Variants in CACNA1S observed in about 807,000 individuals in gnomAD.
CACNA1S encodes voltage-dependent L-type calcium channel subunit alpha-1S.
CACNA1S carries 126 observed loss-of-function variants against 207.4 expected under a neutral mutation model. The ratio of observed to expected loss-of-function variants is 0.61; its 90% confidence interval spans 0.53 to 0.70. CACNA1S has a LOEUF of 0.70. CACNA1S is among the 30% of genes least tolerant of loss of function. The pLI, the probability that CACNA1S is intolerant of heterozygous loss-of-function variation, is 0.00. For missense variants in CACNA1S, 2,349 were observed against 2,422.8 expected (o/e 0.97, Z 0.64); for synonymous variants, 960 against 932.7 (o/e 1.03, Z -0.53).
Position 201,069,458 on chromosome 1 carries a change from G to A in CACNA1S, c.2490+14C>T, listed in dbSNP as rs913758464. 11 of 1,606,214 alleles carry A rather than the reference G, an allele frequency of 6.8e-6. No homozygotes were observed. Among genetic ancestry groups the A allele is most frequent in the East Asian group, 2.2e-5 (1 of 44,584 alleles). ...GCAGGGGTGCTGAGTGGCAGAGAGG[G>A]TGAAGCCCGTCACCTGATTTCTCAT... On this transcript the variant is annotated intron_variant, in intron 18 of 43. Transcript: ENST00000362061.
chr1:201,077,833 G>T lies in CACNA1S; in HGVS notation c.1619+46C>A, dbSNP rs201833800. 173 of 1,373,638 alleles carry T rather than the reference G, an allele frequency of 1.3e-4. 1 individual carries two copies. Among genetic ancestry groups the T allele is most frequent in the Middle Eastern group, 1.1e-3 (5 of 4,536 alleles). 85.1% of individuals were successfully genotyped at this position (1,373,638 alleles called of 1,614,324 possible). A position where few individuals can be genotyped will look rare whatever the true frequency, so the allele number is the denominator to read the frequency against. On this transcript the variant is annotated intron_variant, in intron 11 of 43. Transcript: ENST00000362061. ...ATGGGTGTAGACCAGACCAGCCCGTGGTGCCTGCCGGGGACCCGGGAGTGC... is the reference window on the plus strand; with the variant it reads ...ATGGGTGTAGACCAGACCAGCCCGTTGTGCCTGCCGGGGACCCGGGAGTGC...
At position 201,088,470 on chromosome 1, in the gene CACNA1S, G is replaced by T. The variant is rs971659918; in HGVS notation, c.901-541C>A. On this transcript the variant is annotated intron_variant, in intron 6 of 43. Transcript: ENST00000362061. ...TAATACACACTTACAATAAATATTT[G>T]TACTAATCCTTGGTATTTGCAAAGC... Among the ~76,000 whole-genome samples, 3 of 152,042 alleles carry T rather than the reference G, an allele frequency of 2.0e-5. No homozygotes were observed. In the South Asian group the frequency reaches 6.2e-4, roughly 32 times the overall value.
At chr1:201,094,748 G>A (rs1662355966) in intron 2 of CACNA1S, among the ~76,000 whole-genome samples, 1 of 152,126 alleles carries the variant, frequency 6.6e-6, no homozygotes, top group Admixed American at 6.5e-5. Flanking sequence ...AGGGTGAGTG[G>A]AGTGTGGGGT....
At chr1:201,107,188 C>T (rs1327308195) in intron 2 of CACNA1S, among the ~76,000 whole-genome samples, 1 of 152,232 alleles carries the variant, frequency 6.6e-6, no homozygotes, top group East Asian at 1.9e-4. Context: ...ATTAAAATCT[C>T]AATACTTTGA....
chr1:201,050,498 C>A lies in CACNA1S; in HGVS notation c.4132G>T (p.Ala1378Ser), dbSNP rs1272205273. The change falls in exon 34 of 44, where the codon GCT becomes TCT. Residue 1378 changes from alanine to serine, a missense_variant. By Grantham distance (99) the Ala-to-Ser change is moderately conservative. Coordinates refer to ENST00000362061, the MANE Select transcript of CACNA1S (RefSeq NM_000069.3). ...CAFLVINLFV[A>S]VIMDNFDYLT... ...TAGTCAAAATTGTCCATGATGACAG[C>A]CACAAAGAGGTTGATGACCTGCAAG... The A allele has an allele frequency of 6.2e-7, 1 of 1,614,088 alleles. No homozygotes were observed. Among genetic ancestry groups the A allele is most frequent in the Non-Finnish European group, 8.5e-7 (1 of 1,180,016 alleles).
chr1:201,062,398 C>T (rs909246272), intron 23 of CACNA1S, 64 bp downstream of exon 23: 2 of 1,509,958 alleles, frequency 1.3e-6, no homozygotes, highest in Non-Finnish European at 9.2e-7. Flanking sequence ...GCTCCCTGCC[C>T]CGTGACTGTC....
At chr1:201,106,564 A>G (rs1401996081) in intron 2 of CACNA1S, among the ~76,000 whole-genome samples, 1 of 152,202 alleles carries the variant, frequency 6.6e-6, no homozygotes, top group East Asian at 1.9e-4. Context: ...ATGAGTGCTG[A>G]TGAAGGTACT....
At chr1:201,095,406 G>A (rs543981072) in intron 2 of CACNA1S, among the ~76,000 whole-genome samples, 1 of 152,196 alleles carries the variant, frequency 6.6e-6, no homozygotes, top group African/African-American at 2.4e-5. Flanking sequence ...CCAGACTGGG[G>A]AACTGGGCAC....
chr1:201,077,391 T>C (rs1661669055), intron 11 of CACNA1S, among the ~76,000 whole-genome samples: 1 of 152,218 alleles, frequency 6.6e-6, no homozygotes. Flanking sequence ...CCCGTGAGAA[T>C]AAGGACAGCT....
At chr1:201,106,103 A>G (rs12239772) in intron 2 of CACNA1S, among the ~76,000 whole-genome samples, 13,537 of 151,806 alleles carry the variant, frequency 0.089, 655 homozygotes, top group Middle Eastern at 0.12. Context: ...GGTAAGTGAT[A>G]CTGCCATCTG....
intron 23 of CACNA1S, 128 bp downstream of exon 23, chr1:201,062,334 C>T (rs1240138348): frequency 2.9e-6 from 3 of 1,043,632 alleles, no homozygotes; most frequent in Non-Finnish European, 4.5e-6. Flanking sequence ...CAGTCCCCTG[C>T]CCTGTGATCG....
chr1:201,082,604 C>G (rs1558075138), intron 10 of CACNA1S, among the ~76,000 whole-genome samples: 1 of 152,190 alleles, frequency 6.6e-6, no homozygotes, highest in Non-Finnish European at 1.5e-5. Flanking sequence ...GTATTTACCT[C>G]TATCATTGCC....
chr1:201,082,827 A>G (rs1055547627), intron 10 of CACNA1S, among the ~76,000 whole-genome samples: 1 of 152,212 alleles, frequency 6.6e-6, no homozygotes, highest in Non-Finnish European at 1.5e-5. Flanking sequence ...AATTACTAGC[A>G]ATTTTATGTC....
Position 201,112,168 on chromosome 1 carries a change from GCCC to G in CACNA1S, c.152+17_152+19del. The G allele has an allele frequency of 6.2e-7, 1 of 1,607,666 alleles. No individual in the cohort carries two copies. The highest frequency in any genetic ancestry group is 8.5e-7 in the Non-Finnish European group (1 of 1,175,528). ...CTCATGACGCACACCCCCCCCCACGGCCCGGGCCCTGAAGGATACTTCCATTCT... is the reference window on the plus strand; with the variant it reads ...CTCATGACGCACACCCCCCCCCACGGGGGCCCTGAAGGATACTTCCATTCT... On this transcript the variant is annotated intron_variant, in intron 1 of 43. Transcript: ENST00000362061.
chr1:201,066,019 A>G lies in CACNA1S; in HGVS notation c.2746-74T>C. On this transcript the variant is annotated intron_variant, in intron 21 of 43. Coordinates refer to ENST00000362061, the MANE Select transcript of CACNA1S (RefSeq NM_000069.3). This position sits in a 1 kb window ranked among gnomAD's most constrained non-coding sequence, Gnocchi z 4.3. ...CTGCTAGCCCAGTTGAGGAAACCCC[A>G]GGAGTGCAAGACTTGCTGCCTCCTG... is the stretch of plus-strand genomic sequence containing the variant. 1 of 1,138,044 alleles carries G rather than the reference A, an allele frequency of 8.8e-7. No homozygotes were observed. Among genetic ancestry groups the G allele is most frequent in the Non-Finnish European group, 1.3e-6 (1 of 765,122 alleles). 70.5% of individuals were successfully genotyped at this position (1,138,044 alleles called of 1,614,324 possible). A position where few individuals can be genotyped will look rare whatever the true frequency, so the allele number is the denominator to read the frequency against.
chr1:201,108,042 G>A (rs1454749294), intron 2 of CACNA1S, among the ~76,000 whole-genome samples: 7 of 151,890 alleles, frequency 4.6e-5, no homozygotes, highest in Non-Finnish European at 8.8e-5. Context: ...ACAGGACCAC[G>A]TGAAACAGTT....
intron 36 of CACNA1S, among the ~76,000 whole-genome samples, chr1:201,048,281 G>A (rs922777519): frequency 1.3e-5 from 2 of 152,216 alleles, no homozygotes; most frequent in Admixed American, 1.3e-4. Flanking sequence ...CTCTGCTCCT[G>A]CTCACAGCCA....
chr1:201,107,788 G>GCT (rs1662952036), intron 2 of CACNA1S, among the ~76,000 whole-genome samples: 1 of 152,160 alleles, frequency 6.6e-6, no homozygotes, highest in African/African-American at 2.4e-5. Flanking sequence ...TGAGCTCGAA[G>GCT]GTGGCTGAGC....
intron 7 of CACNA1S, among the ~76,000 whole-genome samples, chr1:201,087,005 T>C (rs761806010): frequency 5.9e-5 from 9 of 152,220 alleles, no homozygotes; most frequent in Non-Finnish European, 1.3e-4. Flanking sequence ...ATTCTATCTA[T>C]AGACTGCCTG....
Sources: allele counts gnomAD v4.1 joint callset (sites outside exome capture counted in the v4.1 genomes callset), GRCh38; gene constraint gnomAD v4.1.1; non-coding constraint Gnocchi (gnomAD v3.1); transcripts MANE v1.5; gene names NCBI Gene and HGNC (gene_info 2026-07-23, HGNC 2026-07-21).